The following FBXL7 variants were observed in gnomAD, a reference collection of about 807,000 sequenced individuals.
FBXL7 encodes F-box/LRR-repeat protein 7.
Under a neutral mutation model 38.3 loss-of-function variants are expected in FBXL7, and 12 were observed. That is an observed-to-expected ratio of 0.31 (90% CI 0.20 to 0.51). The LOEUF is 0.51. FBXL7 is among the 20% of genes least tolerant of loss of function. The probability of loss-of-function intolerance (pLI) is 0.98; values close to 1 mark genes in which losing one functional copy is unlikely to be tolerated. For synonymous variants in FBXL7, 297 were observed against 300.9 expected (o/e 0.99, Z 0.13); for missense variants, 567 against 676.4 (o/e 0.84, Z 1.79).
In FBXL7 at chr5:15,936,889, T is replaced by C; in HGVS notation, c.1179T>C (p.Gly393=). The change falls in exon 4 of 4, where the codon GGT becomes GGC. Residue 393 remains glycine (G), a synonymous_variant. Coordinates refer to ENST00000504595, the MANE Select transcript of FBXL7 (RefSeq NM_012304.5). The surrounding 1 kb of genome is among the most constrained non-coding windows in gnomAD (Gnocchi z 6.0). ...ARGCEGITDH[G]VEYLAKNCTK... ...GCTGCGAGGGCATCACGGACCACGGTGTGGAGTACCTCGCCAAGAACTGCA... is the reference window on the plus strand; with the variant it reads ...GCTGCGAGGGCATCACGGACCACGGCGTGGAGTACCTCGCCAAGAACTGCA... The C allele has an allele frequency of 6.2e-7, 1 of 1,613,996 alleles. No homozygotes were observed. The highest frequency in any genetic ancestry group is 8.5e-7 in the Non-Finnish European group (1 of 1,179,862).
intron 2 of FBXL7, among the ~76,000 whole-genome samples, chr5:15,779,242 ATAGT>A (rs903951814): frequency 6.6e-6 from 1 of 152,060 alleles, no homozygotes; most frequent in Non-Finnish European, 1.5e-5. Context: ...GAGCACAAAA[ATAGT>A]TAGATAGAAG....
At chr5:15,835,667 T>G (rs1738574914) in intron 2 of FBXL7, among the ~76,000 whole-genome samples, 1 of 152,198 alleles carries the variant, frequency 6.6e-6, no homozygotes, top group Non-Finnish European at 1.5e-5. Flanking sequence ...GAAGGCCATC[T>G]GATGCAGGTC....
intron 2 of FBXL7, among the ~76,000 whole-genome samples, chr5:15,872,939 C>T (rs1276268775): frequency 1.3e-5 from 2 of 152,178 alleles, no homozygotes; most frequent in East Asian, 1.9e-4. Context: ...ACCTAATAGA[C>T]ATCTAGAGAA....
At position 15,928,104 on chromosome 5, in the gene FBXL7, A is replaced by G. The variant is rs1186224858; in HGVS notation, c.342A>G (p.Ile114Met). Reference protein sequence around the residue: ...ASRPQKEQASIDRLPDHSMVQ... With the variant: ...ASRPQKEQASMDRLPDHSMVQ... ...GACCCCAGAAGGAGCAGGCCAGCAT[A>G]GACCGGCTCCCGGACCACTCCATGG... is the stretch of plus-strand genomic sequence containing the variant. Residue 114 changes from isoleucine to methionine, a missense_variant, in exon 3 of 4, where the codon ATA becomes ATG. Transcript: ENST00000504595. This position sits in a 1 kb window ranked among gnomAD's most constrained non-coding sequence, Gnocchi z 4.0. 2 of 1,535,360 alleles carry G rather than the reference A, an allele frequency of 1.3e-6. No individual in the cohort carries two copies. The highest frequency in any genetic ancestry group is 8.8e-7 in the Non-Finnish European group (1 of 1,133,616).
At chr5:15,516,593 A>G (rs1736942711) in intron 1 of FBXL7, among the ~76,000 whole-genome samples, 1 of 152,148 alleles carries the variant, frequency 6.6e-6, no homozygotes, top group Non-Finnish European at 1.5e-5. Flanking sequence ...CCCAAATCTC[A>G]ACTTGAATTG....
chr5:15,526,724 A>G (rs1356100063), intron 1 of FBXL7, among the ~76,000 whole-genome samples: 1 of 152,198 alleles, frequency 6.6e-6, no homozygotes, highest in Non-Finnish European at 1.5e-5. Flanking sequence ...GTATGAACAC[A>G]TCATCCTCTG....
intron 1 of FBXL7, among the ~76,000 whole-genome samples, chr5:15,519,444 CAAAA>C (rs75322019): frequency 0.022 from 2,848 of 131,014 alleles, 82 homozygotes; most frequent in African/African-American, 0.075. Context: ...ACTTAGAAAA[CAAAA>C]AAAAAAAACA....
At chr5:15,714,072 T>C (rs1158178293) in intron 2 of FBXL7, among the ~76,000 whole-genome samples, 2 of 152,182 alleles carry the variant, frequency 1.3e-5, no homozygotes, top group Non-Finnish European at 2.9e-5. Context: ...ATGGGGAGAA[T>C]ATTCTGGATT....
chr5:15,793,707 T>A (rs1270340210), intron 2 of FBXL7, among the ~76,000 whole-genome samples: 1 of 152,182 alleles, frequency 6.6e-6, no homozygotes, highest in Non-Finnish European at 1.5e-5. Context: ...ACTGATTTCT[T>A]ATGATAATAA....
chr5:15,643,303 T>G (rs1741426972), intron 2 of FBXL7, among the ~76,000 whole-genome samples: 1 of 152,212 alleles, frequency 6.6e-6, no homozygotes, highest in African/African-American at 2.4e-5. Context: ...TAGCTAGACG[T>G]GCGCATGCAT....
intron 2 of FBXL7, among the ~76,000 whole-genome samples, chr5:15,647,924 C>G (rs1425629135): frequency 6.6e-6 from 1 of 152,218 alleles, no homozygotes; most frequent in Admixed American, 6.5e-5. Context: ...TGTTACTTCT[C>G]TTTTCTCACA....
At chr5:15,614,181 T>C (rs951503342) in intron 1 of FBXL7, among the ~76,000 whole-genome samples, 12 of 152,206 alleles carry the variant, frequency 7.9e-5, no homozygotes, top group African/African-American at 2.9e-4. Context: ...CATCAGAGTT[T>C]TGATCATCAC....
chr5:15,898,431 C>T (rs1040696777), intron 2 of FBXL7, among the ~76,000 whole-genome samples: 1 of 152,098 alleles, frequency 6.6e-6, no homozygotes, highest in African/African-American at 2.4e-5. Flanking sequence ...TTGATAGACA[C>T]ATAACATTTA....
chr5:15,703,096 T>C (rs541887826), intron 2 of FBXL7, among the ~76,000 whole-genome samples: 1 of 152,320 alleles, frequency 6.6e-6, no homozygotes, highest in East Asian at 1.9e-4. Flanking sequence ...CATCTGGATG[T>C]GTATGTGCAG....
intron 2 of FBXL7, among the ~76,000 whole-genome samples, chr5:15,675,091 T>C (rs1742608354): frequency 2.0e-5 from 3 of 152,182 alleles, no homozygotes; most frequent in Admixed American, 2.0e-4. Flanking sequence ...AGCAATCAGA[T>C]GAATAATGTA....
At chr5:15,590,812 C>T (rs1268592430) in intron 1 of FBXL7, among the ~76,000 whole-genome samples, 21 of 151,976 alleles carry the variant, frequency 1.4e-4, no homozygotes, top group Admixed American at 1.4e-3. Context: ...AAGTCCTGCT[C>T]GATAAAGCAG....
intron 1 of FBXL7, among the ~76,000 whole-genome samples, chr5:15,615,191 A>T (rs910087772): frequency 6.6e-6 from 1 of 152,240 alleles, no homozygotes; most frequent in Non-Finnish European, 1.5e-5. Context: ...GTATATGATT[A>T]TATTAAAGGT....
At chr5:15,850,797 A>T (rs924155764) in intron 2 of FBXL7, among the ~76,000 whole-genome samples, 1 of 152,236 alleles carries the variant, frequency 6.6e-6, no homozygotes, top group African/African-American at 2.4e-5. Flanking sequence ...GTGGAAAGAC[A>T]TGCTGGACTT....
In FBXL7 at chr5:15,634,318, T is replaced by C. The variant is rs1297187553; in HGVS notation, c.127+18246T>C. On this transcript the variant is annotated intron_variant, in intron 2 of 3. Transcript: ENST00000504595. ...AAAACTTTATATGTTCGTTTCTTTTTTTTTTTTTTTTTTTTTTTTAAAAGA... is the reference window on the plus strand; with the variant it reads ...AAAACTTTATATGTTCGTTTCTTTTCTTTTTTTTTTTTTTTTTTTAAAAGA... Among the ~76,000 whole-genome samples, 30 of 93,566 alleles carry C rather than the reference T, an allele frequency of 3.2e-4. No individual in the cohort carries two copies. The South Asian group carries it at 3.9e-3, about 12-fold the overall frequency. 61.4% of individuals were successfully genotyped at this position (93,566 alleles called of 152,430 possible). A position where few individuals can be genotyped will look rare whatever the true frequency, so the allele number is the denominator to read the frequency against.
Sources: gnomAD v4.1 joint callset for allele counts (sites outside exome capture counted in the v4.1 genomes callset) on GRCh38, gnomAD v4.1.1 for gene constraint, Gnocchi (gnomAD v3.1) non-coding constraint, MANE v1.5 for transcripts, NCBI Gene and HGNC (gene_info 2026-07-23, HGNC 2026-07-21) for gene names.